Variants in ST3GAL3 observed in about 807,000 individuals in gnomAD.
ST3GAL3 encodes the protein CMP-N-acetylneuraminate-beta-1,4-galactoside alpha-2,3-sialyltransferase.
In ST3GAL3, 21 loss-of-function variants were observed where a neutral mutation model predicts 50.1. The ratio of observed to expected loss-of-function variants is 0.42; its 90% confidence interval spans 0.30 to 0.60. The LOEUF is 0.60. ST3GAL3 is among the 20% of genes least tolerant of loss of function. ST3GAL3 has a pLI of 0.19. For missense variants in ST3GAL3, 353 were observed against 489.4 expected, an observed-to-expected ratio of 0.72 and a Z score of 2.63; for synonymous variants, 183 against 190.0, an observed-to-expected ratio of 0.96 and a Z score of 0.30.
At chr1:43,762,408 C>T (rs1690853085) in intron 2 of ST3GAL3, among the ~76,000 whole-genome samples, 1 of 152,038 alleles carries the variant, frequency 6.6e-6, no homozygotes, top group Non-Finnish European at 1.5e-5. Context: ...TCCCTCTAGC[C>T]CTTAAATTAA....
intron 4 of ST3GAL3, among the ~76,000 whole-genome samples, chr1:43,836,975 CT>C (rs11310494): frequency 0.91 from 138,023 of 152,210 alleles, 62,806 homozygotes; most frequent in African/African-American, 0.97. Flanking sequence ...TTGTGGGTTC[CT>C]TGAGATTGCC....
chr1:43,756,632 T>G lies in ST3GAL3; in HGVS notation c.118+20252T>G, dbSNP rs79055980. Among the ~76,000 whole-genome samples the G allele has an allele frequency of 3.3e-5, 5 of 152,076 alleles. No homozygotes were observed. The East Asian group carries it at 7.7e-4, about 24-fold the overall frequency. Reference sequence around the variant, plus strand: ...GGAGAGACATAGTGAAAAGGGAGAATAAAAGTGAAGACTTGATTTATATTA... The same window carrying G: ...GGAGAGACATAGTGAAAAGGGAGAAGAAAAGTGAAGACTTGATTTATATTA... On this transcript the variant is annotated intron_variant, in intron 2 of 11. Coordinates refer to ENST00000347631, the MANE Select transcript of ST3GAL3 (RefSeq NM_006279.5).
rs181445271 is a variant in ST3GAL3, at chr1:43,882,353, G to A, written c.303-12030G>A. ...AGCATAGGGAAAGGGAGGAGAAGAGGGGGTATCTGAGGCTGGAGAGGTAGA... is the reference window on the plus strand; with the variant it reads ...AGCATAGGGAAAGGGAGGAGAAGAGAGGGTATCTGAGGCTGGAGAGGTAGA... On this transcript the variant is annotated intron_variant, in intron 5 of 11. Transcript: ENST00000347631. Among the ~76,000 whole-genome samples the A allele has an allele frequency of 6.1e-3, 923 of 152,252 alleles. 1 individual carries two copies. Among genetic ancestry groups the A allele is most frequent in the Non-Finnish European group, 9.5e-3 (644 of 68,032 alleles).
chr1:43,924,319 G>A (rs532726648), intron 11 of ST3GAL3, among the ~76,000 whole-genome samples: 2 of 152,250 alleles, frequency 1.3e-5, no homozygotes, highest in South Asian at 2.1e-4. Context: ...CACAGCCAGC[G>A]CCCACTTCAG....
chr1:43,838,397 GTTC>G (rs1297967547), intron 5 of ST3GAL3, 86 bp downstream of exon 5: 13 of 1,229,156 alleles, frequency 1.1e-5, no homozygotes, highest in Non-Finnish European at 1.6e-5. Context: ...AGCCAGTCAT[GTTC>G]TCCTATGCTC....
At chr1:43,795,229 C>G (rs1264016461) in intron 3 of ST3GAL3, among the ~76,000 whole-genome samples, 1 of 152,158 alleles carries the variant, frequency 6.6e-6, no homozygotes, top group Non-Finnish European at 1.5e-5. Context: ...TAACTATGGA[C>G]CATGGCAATA....
intron 3 of ST3GAL3, among the ~76,000 whole-genome samples, chr1:43,814,470 C>T (rs1290078619): frequency 6.6e-6 from 1 of 152,172 alleles, no homozygotes; most frequent in Admixed American, 6.5e-5. Context: ...TTTGGGGACC[C>T]GTTGGCTGCC....
intron 3 of ST3GAL3, among the ~76,000 whole-genome samples, chr1:43,806,623 CTG>C (rs150705319): frequency 2.5e-3 from 386 of 152,266 alleles, no homozygotes; most frequent in African/African-American, 3.5e-3. Flanking sequence ...CTAGAGGTAA[CTG>C]TGGATCATTT....
At chr1:43,824,635 A>C in intron 4 of ST3GAL3, 1 of 1,467,144 alleles carries the variant, frequency 6.8e-7, no homozygotes, top group East Asian at 2.3e-5. Context: ...GCTTCATGAC[A>C]TCTAGCATTT....
chr1:43,746,071 G>A (rs887965280), intron 2 of ST3GAL3, among the ~76,000 whole-genome samples: 7 of 152,172 alleles, frequency 4.6e-5, no homozygotes, highest in East Asian at 1.9e-4. Flanking sequence ...TATCCCTGTC[G>A]TTAAGTGATG....
chr1:43,711,598 A>G (rs1180570596), intron 1 of ST3GAL3, among the ~76,000 whole-genome samples: 1 of 152,250 alleles, frequency 6.6e-6, no homozygotes, highest in Admixed American at 6.5e-5. Flanking sequence ...TGACAGTAGC[A>G]AGAAATAATA....
At chr1:43,861,942 C>T (rs1443192737) in intron 5 of ST3GAL3, among the ~76,000 whole-genome samples, 1 of 151,796 alleles carries the variant, frequency 6.6e-6, no homozygotes, top group African/African-American at 2.4e-5. Context: ...GCAGGAGAAT[C>T]GCTTGAACTC....
intron 9 of ST3GAL3, 163 bp from the exon 10 acceptor site, chr1:43,920,241 C>T: frequency 1.3e-6 from 1 of 767,448 alleles, no homozygotes; most frequent in South Asian, 1.5e-5. Context: ...TCACACACTC[C>T]ATTTCCCCAA....
chr1:43,920,103 C>T (rs2154294789), intron 9 of ST3GAL3: 1 of 435,862 alleles, frequency 2.3e-6, no homozygotes, highest in East Asian at 4.8e-5. Flanking sequence ...GGAGCCCCCT[C>T]AGGCCACAGC....
At chr1:43,832,433 G>T (rs775005878) in intron 4 of ST3GAL3, among the ~76,000 whole-genome samples, 4 of 152,188 alleles carry the variant, frequency 2.6e-5, no homozygotes, top group Non-Finnish European at 5.9e-5. Flanking sequence ...GTCGTAGATG[G>T]CTGTACACGT....
At chr1:43,904,942 C>G (rs1571099003) in intron 9 of ST3GAL3, among the ~76,000 whole-genome samples, 1 of 1,702 alleles carries the variant, frequency 5.9e-4, no homozygotes, top group Non-Finnish European at 1.1e-3. Context: ...TCCCCTTCCT[C>G]CTTTCTGCCA....
intron 5 of ST3GAL3, chr1:43,858,263 G>A (rs2069011672): frequency 7.8e-7 from 1 of 1,288,728 alleles, no homozygotes; most frequent in Non-Finnish European, 1.0e-6. Context: ...AGATTGACTG[G>A]GGAGACGTCC....
chr1:43,731,501 C>T (rs2154084578), intron 1 of ST3GAL3, among the ~76,000 whole-genome samples: 1 of 150,718 alleles, frequency 6.6e-6, no homozygotes, highest in East Asian at 2.0e-4. Context: ...TCTCCTGCCT[C>T]AGCCTCCCGA....
At chr1:43,787,278 A>G (rs770586896) in intron 2 of ST3GAL3, among the ~76,000 whole-genome samples, 39 of 152,342 alleles carry the variant, frequency 2.6e-4, no homozygotes, top group Non-Finnish European at 4.1e-4. Flanking sequence ...TAAAAATGAC[A>G]TATTTGCTAG....
Sources: gnomAD v4.1 joint callset for allele counts (sites outside exome capture counted in the v4.1 genomes callset) on GRCh38, gnomAD v4.1.1 for gene constraint, MANE v1.5 for transcripts, NCBI Gene and HGNC (gene_info 2026-07-23, HGNC 2026-07-21) for gene names.